Variants in PDE3B observed in about 807,000 individuals in gnomAD.
PDE3B encodes phosphodiesterase 3B.
In PDE3B, 66 loss-of-function variants were observed where a neutral mutation model predicts 116.8. The observed-to-expected ratio is 0.56, with a 90% CI of 0.46 to 0.69. The LOEUF is 0.69. PDE3B is among the 30% of genes least tolerant of loss of function. The pLI is 0.00. For synonymous variants in PDE3B, 595 were observed against 533.6 expected (o/e 1.12, Z -1.59); for missense variants, 1,384 against 1,368.1 (o/e 1.01, Z -0.18).
chr11:14,737,131 TGTGATACATAAAAAGCACAATGTCA>T (rs1244974643), intron 1 of PDE3B, among the ~76,000 whole-genome samples: 6 of 151,786 alleles, frequency 4.0e-5, no homozygotes, highest in Non-Finnish European at 8.8e-5. Flanking sequence ...TAGAACGAAA[TGTGATACATAAAAAGCACAATGTCA>T]GTGATAGATA....
At chr11:14,734,291 T>C (rs907722695) in intron 1 of PDE3B, among the ~76,000 whole-genome samples, 2 of 152,232 alleles carry the variant, frequency 1.3e-5, no homozygotes, top group Non-Finnish European at 2.9e-5. Context: ...CAGGCTGGTC[T>C]GGAACTCCTG....
chr11:14,878,357 G>T, the PDE3B span: 1 of 1,499,866 alleles, frequency 6.7e-7, no homozygotes, highest in Non-Finnish European at 9.2e-7. Flanking sequence ...CAAAATTAAT[G>T]TCTAATATTT....
chr11:14,838,152 T>G (rs1367433397), intron 11 of PDE3B, among the ~76,000 whole-genome samples: 1 of 152,004 alleles, frequency 6.6e-6, no homozygotes, highest in Non-Finnish European at 1.5e-5. Context: ...GCTAATTTTT[T>G]GTATTTTTAG....
chr11:14,725,309 C>CTTTCTCTT lies in PDE3B; in HGVS notation c.979-46627_979-46626insTTCTCTTT, dbSNP rs1393019002. ...TTTCTTTTTCTTTCTTTCTTTCTTT[C>CTTTCTCTT]TCTTTCTTTCTTTCTTTCTTTTTCT... On this transcript the variant is annotated intron_variant, in intron 1 of 15. Transcript: ENST00000282096. Among the ~76,000 whole-genome samples the CTTTCTCTT allele has an allele frequency of 5.8e-4, 86 of 147,418 alleles. 1 individual carries two copies. Among genetic ancestry groups the CTTTCTCTT allele is most frequent in the African/African-American group, 2.1e-3 (84 of 39,244 alleles).
At chr11:14,752,444 C>T (rs949409990) in intron 1 of PDE3B, among the ~76,000 whole-genome samples, 1 of 152,030 alleles carries the variant, frequency 6.6e-6, no homozygotes, top group Non-Finnish European at 1.5e-5. Context: ...AAGAAAATTC[C>T]TTTTGTTGTC....
chr11:14,699,755 C>T (rs1855310909), intron 1 of PDE3B, among the ~76,000 whole-genome samples: 2 of 151,704 alleles, frequency 1.3e-5, no homozygotes, highest in East Asian at 1.9e-4. Flanking sequence ...CATTTGGCTC[C>T]CTCTGAAACT....
At position 14,644,989 on chromosome 11, in the gene PDE3B, C is replaced by A; in HGVS notation, c.914C>A (p.Ala305Asp). ...TGCGTGTCGTTAGGAGAAACTGCAG[C>A]CAGTTACTATGGCAGTTGCAAAATA... ...SSCVSLGETA[A>D]SYYGSCKIFR... is the part of the protein sequence containing the mutation. Residue 305 changes from alanine (A) to aspartate (D), a missense_variant, in exon 1 of 16, where the codon GCC becomes GAC. This residue lies in a region of PDE3B where 956 missense variants were observed against 806.8 expected (regional missense o/e 1.18). Coordinates refer to ENST00000282096, the MANE Select transcript of PDE3B (RefSeq NM_000922.4). The A allele has an allele frequency of 6.2e-7, 1 of 1,613,722 alleles. No individual in the cohort carries two copies. The highest frequency in any genetic ancestry group is 8.5e-7 in the Non-Finnish European group (1 of 1,179,900).
chr11:14,648,369 T>C (rs1853471451), intron 1 of PDE3B, among the ~76,000 whole-genome samples: 2 of 152,094 alleles, frequency 1.3e-5, no homozygotes, highest in South Asian at 2.1e-4. Flanking sequence ...GGTATACATA[T>C]GTAGTGTGAG....
intron 4 of PDE3B, among the ~76,000 whole-genome samples, chr11:14,790,514 A>C (rs1411087267): frequency 6.6e-6 from 1 of 152,086 alleles, no homozygotes; most frequent in Non-Finnish European, 1.5e-5. Context: ...ATGCATTTGC[A>C]GTTAAAGAAA....
chr11:14,691,630 A>T (rs1855043450), intron 1 of PDE3B, among the ~76,000 whole-genome samples: 1 of 152,142 alleles, frequency 6.6e-6, no homozygotes, highest in Non-Finnish European at 1.5e-5. Flanking sequence ...TAGGTGCTGG[A>T]GATAGAGCAG....
At chr11:14,662,851 C>A (rs370474068) in intron 1 of PDE3B, among the ~76,000 whole-genome samples, 1 of 152,116 alleles carries the variant, frequency 6.6e-6, no homozygotes, top group Non-Finnish European at 1.5e-5. Context: ...CTGAAAGTGA[C>A]GGGGAGAATG....
chr11:14,740,851 C>T (rs1856747630), intron 1 of PDE3B, among the ~76,000 whole-genome samples: 1 of 151,972 alleles, frequency 6.6e-6, no homozygotes, highest in Non-Finnish European at 1.5e-5. Flanking sequence ...CCTTAATTTC[C>T]TTATTTACAC....
intron 1 of PDE3B, among the ~76,000 whole-genome samples, chr11:14,691,150 C>T (rs933745710): frequency 2.6e-5 from 4 of 152,268 alleles, no homozygotes; most frequent in African/African-American, 9.6e-5. Context: ...ACTGTATTAG[C>T]ACTGTGCTAG....
In PDE3B at chr11:14,786,506, C is replaced by G; in HGVS notation, c.1099C>G (p.Leu367Val). The change falls in exon 3 of 16, where the codon CTG becomes GTG. Residue 367 changes from leucine (L) to valine (V), a missense_variant. Around this residue, in one of 2 missense-constraint regions of PDE3B, gnomAD observed 956 missense variants for 806.8 expected, o/e 1.18. Coordinates refer to ENST00000282096, the MANE Select transcript of PDE3B (RefSeq NM_000922.4). ...NEARNMVSDL[L>V]TDPSLPPQVI... is the part of the protein sequence containing the mutation. Reference sequence around the variant, plus strand: ...GGCTCGCAATATGGTGTCAGATCTTCTGACTGATCCAAGCCTTCCACCACA... The same window carrying G: ...GGCTCGCAATATGGTGTCAGATCTTGTGACTGATCCAAGCCTTCCACCACA... 6.2e-7 allele frequency: 1 copy of G among 1,612,664 alleles called. No homozygotes were observed. The highest frequency in any genetic ancestry group is 8.5e-7 in the Non-Finnish European group (1 of 1,178,886).
intron 1 of PDE3B, among the ~76,000 whole-genome samples, chr11:14,654,559 T>G (rs1853654393): frequency 6.6e-6 from 1 of 152,112 alleles, no homozygotes; most frequent in Non-Finnish European, 1.5e-5. Flanking sequence ...ATGAATGAGA[T>G]CAAGAAGGTA....
At chr11:14,670,796 C>A (rs1187890385) in intron 1 of PDE3B, among the ~76,000 whole-genome samples, 1 of 152,052 alleles carries the variant, frequency 6.6e-6, no homozygotes, top group Admixed American at 6.6e-5. Flanking sequence ...TCTGTCTGTT[C>A]CTGTTGACAA....
intron 1 of PDE3B, among the ~76,000 whole-genome samples, chr11:14,685,025 C>T (rs1166065481): frequency 2.6e-5 from 4 of 151,684 alleles, no homozygotes; most frequent in Admixed American, 6.6e-5. Flanking sequence ...CCTCAGCTTA[C>T]GAAGATGACA....
intron 4 of PDE3B, among the ~76,000 whole-genome samples, chr11:14,799,757 CT>C (rs60506229): frequency 0.11 from 11,840 of 107,874 alleles, 291 homozygotes; most frequent in Middle Eastern, 0.15. Context: ...CAACTCCTGC[CT>C]TTTTTTTTTT....
intron 1 of PDE3B, among the ~76,000 whole-genome samples, chr11:14,647,279 A>C (rs1331621756): frequency 6.6e-6 from 1 of 152,000 alleles, no homozygotes; most frequent in Non-Finnish European, 1.5e-5. Context: ...ATAGGAGAAA[A>C]TGTCCTGGAT....
Sources: gnomAD v4.1 joint callset for allele counts (sites outside exome capture counted in the v4.1 genomes callset) on GRCh38, gnomAD v4.1.1 for gene constraint, gnomAD v4.1.1 regional missense constraint, MANE v1.5 for transcripts, NCBI Gene and HGNC (gene_info 2026-07-23, HGNC 2026-07-21) for gene names.